Variants in MYO3B observed in about 807,000 individuals in gnomAD.
The protein encoded by MYO3B is myosin-IIIb.
Under a neutral mutation model 174.6 loss-of-function variants are expected in MYO3B, and 156 were observed. That is an observed-to-expected ratio of 0.89 (90% confidence interval 0.78 to 1.02). MYO3B has a LOEUF of 1.02. Among genes scored for constraint, MYO3B ranks in the 50% least tolerant of loss-of-function variants. The probability of loss-of-function intolerance (pLI) is 0.00; values close to 1 mark genes in which losing one functional copy is unlikely to be tolerated. For missense variants in MYO3B, 1,632 were observed against 1,639.4 expected (o/e 1.00, Z 0.08); for synonymous variants, 563 against 569.1 (o/e 0.99, Z 0.15).
At chr2:170,458,360 C>T (rs1684034967) in intron 23 of MYO3B, among the ~76,000 whole-genome samples, 2 of 152,200 alleles carry the variant, frequency 1.3e-5, no homozygotes, top group Non-Finnish European at 2.9e-5. Context: ...GTAACAGGTG[C>T]ATGGCCACAC....
chr2:170,436,406 T>C (rs1289314233), intron 22 of MYO3B, among the ~76,000 whole-genome samples: 1 of 152,196 alleles, frequency 6.6e-6, no homozygotes, highest in Non-Finnish European at 1.5e-5. Flanking sequence ...GTAAATCCTT[T>C]GAAATGTGTT....
chr2:170,377,482 G>A (rs754096502), intron 9 of MYO3B, among the ~76,000 whole-genome samples: 12 of 152,088 alleles, frequency 7.9e-5, no homozygotes, highest in Admixed American at 2.6e-4. Context: ...CATTTCCTTG[G>A]ACTTGATGGT....
chr2:170,199,541 G>A (rs1156832885), intron 2 of MYO3B, 150 bp downstream of exon 2: 3 of 650,098 alleles, frequency 4.6e-6, no homozygotes, highest in Admixed American at 3.1e-5. Context: ...CTGAATGAAG[G>A]GACTCCACTT....
At chr2:170,240,746 T>C (rs139425635) in intron 7 of MYO3B, among the ~76,000 whole-genome samples, 1 of 152,266 alleles carries the variant, frequency 6.6e-6, no homozygotes, top group Non-Finnish European at 1.5e-5. Flanking sequence ...AGAATATTAT[T>C]AGCATCATGA....
intron 2 of MYO3B, 51 bp downstream of exon 2, chr2:170,199,442 G>T: frequency 7.6e-7 from 1 of 1,317,642 alleles, no homozygotes; most frequent in South Asian, 1.9e-5. Context: ...TATGCACACT[G>T]AGTTTTCAAC....
chr2:170,352,544 C>T (rs1056404121), intron 8 of MYO3B, among the ~76,000 whole-genome samples: 1 of 152,098 alleles, frequency 6.6e-6, no homozygotes, highest in Non-Finnish European at 1.5e-5. Flanking sequence ...CCAAGATTTC[C>T]AGTACATAAG....
intron 7 of MYO3B, among the ~76,000 whole-genome samples, chr2:170,258,897 A>C (rs2093324879): frequency 6.6e-6 from 1 of 152,194 alleles, no homozygotes. Context: ...TCGTACAAAA[A>C]TCAGTAGTAT....
chr2:170,187,916 T>A (rs1057367587), intron 1 of MYO3B, among the ~76,000 whole-genome samples: 1 of 152,228 alleles, frequency 6.6e-6, no homozygotes, highest in Non-Finnish European at 1.5e-5. Flanking sequence ...GAGTGATATA[T>A]GTGCTGGGGA....
intron 7 of MYO3B, among the ~76,000 whole-genome samples, chr2:170,297,606 C>T (rs968191058): frequency 6.6e-5 from 10 of 152,040 alleles, no homozygotes; most frequent in African/African-American, 9.7e-5. Context: ...AATGTGATTG[C>T]GATTATCCCC....
chr2:170,517,249 A>G (rs568625167), intron 29 of MYO3B, among the ~76,000 whole-genome samples: 7 of 152,374 alleles, frequency 4.6e-5, no homozygotes, highest in Admixed American at 1.3e-4. Context: ...TTAAAAATCA[A>G]TATTTTGATG....
intron 25 of MYO3B, among the ~76,000 whole-genome samples, chr2:170,476,404 C>A (rs915747891): frequency 6.6e-6 from 1 of 152,126 alleles, no homozygotes; most frequent in Admixed American, 6.5e-5. Flanking sequence ...GTCTTGCGCC[C>A]CAGAAGAATC....
chr2:170,335,307 T>A, intron 7 of MYO3B, 78 bp from the exon 8 acceptor site: 1 of 1,048,998 alleles, frequency 9.5e-7, no homozygotes, highest in Non-Finnish European at 1.4e-6. Flanking sequence ...TTTAGAATGA[T>A]ATCAATAAAA....
At chr2:170,383,334 G>T (rs2094349720) in intron 11 of MYO3B, 145 bp downstream of exon 11, 1 of 616,984 alleles carries the variant, frequency 1.6e-6, no homozygotes, top group Non-Finnish European at 2.9e-6. Context: ...TAATACAAAT[G>T]GAATTTTTAC....
intron 14 of MYO3B, among the ~76,000 whole-genome samples, chr2:170,389,826 C>A (rs536202077): frequency 1.3e-5 from 2 of 152,132 alleles, no homozygotes; most frequent in African/African-American, 2.4e-5. Flanking sequence ...TTAGGATGTT[C>A]TTTTGGTTGT....
chr2:170,498,862 G>A (rs540235242), intron 26 of MYO3B, among the ~76,000 whole-genome samples, 159 bp downstream of exon 26: 2 of 152,184 alleles, frequency 1.3e-5, no homozygotes, highest in Non-Finnish European at 2.9e-5. Context: ...GGTTGGGGAC[G>A]TTAGGGAGTA....
chr2:170,352,400 A>AG lies in MYO3B; in HGVS notation c.816-16819dup, dbSNP rs1468645095. Reference sequence around the variant, plus strand: ...TCTAGTTTCTAAACCAAAAGAAGAAAGGGTCTACAGAAAATTTAATCAATC... The same window carrying AG: ...TCTAGTTTCTAAACCAAAAGAAGAAAGGGGTCTACAGAAAATTTAATCAATC... On this transcript the variant is annotated intron_variant, in intron 8 of 34. Transcript: ENST00000408978. Among the ~76,000 whole-genome samples the AG allele has an allele frequency of 3.3e-5, 5 of 152,372 alleles. No homozygotes were observed. In the South Asian group the frequency reaches 8.3e-4, roughly 25 times the overall value.
At chr2:170,580,718 ATGTGTGTGTGTG>A (rs59092368) in intron 32 of MYO3B, among the ~76,000 whole-genome samples, 39 of 142,702 alleles carry the variant, frequency 2.7e-4, no homozygotes, top group African/African-American at 7.9e-4. Context: ...AACCTTATAT[ATGTGTGTGTGTG>A]TGTGTGTGTG....
intron 32 of MYO3B, among the ~76,000 whole-genome samples, chr2:170,558,458 T>C (rs1691493012): frequency 6.6e-6 from 1 of 152,194 alleles, no homozygotes; most frequent in South Asian, 2.1e-4. Flanking sequence ...TCTTCCTGCA[T>C]CCTACAGGTA....
chr2:170,592,675 G>C (rs1458555801), intron 32 of MYO3B, among the ~76,000 whole-genome samples: 1 of 152,094 alleles, frequency 6.6e-6, no homozygotes, highest in African/African-American at 2.4e-5. Context: ...GTTCATGAGG[G>C]CAGGGCAGGG....
Sources: allele counts gnomAD v4.1 joint callset (sites outside exome capture counted in the v4.1 genomes callset), GRCh38; gene constraint gnomAD v4.1.1; transcripts MANE v1.5; gene names NCBI Gene and HGNC (gene_info 2026-07-23, HGNC 2026-07-21).